ARHGAP8: variants seen among roughly 807,000 people sequenced by gnomAD.
The protein encoded by ARHGAP8 is rho GTPase-activating protein 8.
In ARHGAP8, 62 loss-of-function variants were observed where a neutral mutation model predicts 46.1. The observed-to-expected ratio is 1.34, with a 90% confidence interval of 1.10 to 1.66. The LOEUF (loss-of-function observed/expected upper bound fraction) is 1.66, where lower values mean the gene tolerates loss of function less well. Among genes scored for constraint, ARHGAP8 ranks in the 40% most tolerant of loss-of-function variants. The probability of loss-of-function intolerance (pLI) is 0.00; values close to 1 mark genes in which losing one functional copy is unlikely to be tolerated. For synonymous variants in ARHGAP8, 375 were observed against 243.1 expected, an observed-to-expected ratio of 1.54 and a Z score of -5.05; for missense variants, 923 against 568.4, an observed-to-expected ratio of 1.62 and a Z score of -6.34.
chr22:44,800,605 C>T (rs1928437159), intron 2 of ARHGAP8, among the ~76,000 whole-genome samples: 2 of 86,878 alleles, frequency 2.3e-5, no homozygotes, highest in Admixed American at 1.0e-4. Context: ...CGCCCCTCCC[C>T]GCAGCTGTCC....
chr22:44,810,519 C>T (rs919262127), intron 4 of ARHGAP8, among the ~76,000 whole-genome samples: 5 of 152,304 alleles, frequency 3.3e-5, no homozygotes, highest in East Asian at 1.9e-4. Context: ...GGATTACAGG[C>T]GTGAGCCACT....
intron 8 of ARHGAP8, among the ~76,000 whole-genome samples, chr22:44,845,791 C>T (rs79957516): frequency 2.0e-5 from 3 of 152,094 alleles, no homozygotes; most frequent in African/African-American, 4.8e-5. Context: ...GTGGGGTGAG[C>T]CTTGTGGGCT....
At chr22:44,858,147 T>C (rs2070289688) in intron 10 of ARHGAP8, among the ~76,000 whole-genome samples, 1 of 152,190 alleles carries the variant, frequency 6.6e-6, no homozygotes, top group African/African-American at 2.4e-5. Flanking sequence ...CCAACAGGAA[T>C]GATCATAGTG....
intron 2 of ARHGAP8, among the ~76,000 whole-genome samples, chr22:44,795,775 C>T (rs1440927117): frequency 6.6e-6 from 1 of 152,178 alleles, no homozygotes; most frequent in Non-Finnish European, 1.5e-5. Flanking sequence ...GAGCCATGTT[C>T]TCCCACCAGG....
chr22:44,806,458 G>A (rs1928927475), intron 3 of ARHGAP8, among the ~76,000 whole-genome samples: 1 of 152,222 alleles, frequency 6.6e-6, no homozygotes, highest in African/African-American at 2.4e-5. Flanking sequence ...CGCTGAGTGT[G>A]TGGAAGCTGG....
intron 7 of ARHGAP8, among the ~76,000 whole-genome samples, chr22:44,841,395 C>T (rs1030861377): frequency 2.0e-5 from 3 of 152,184 alleles, no homozygotes; most frequent in East Asian, 1.9e-4. Flanking sequence ...GTATCCCGCC[C>T]ATGTGACAGG....
intron 11 of ARHGAP8, among the ~76,000 whole-genome samples, chr22:44,860,131 C>T (rs1181007214): frequency 2.0e-5 from 3 of 152,114 alleles, no homozygotes; most frequent in East Asian, 1.9e-4. Context: ...CATGTCATTT[C>T]CTGCTTGGGC....
rs145497248 is a variant in ARHGAP8 at position 44,859,804 on chromosome 22, C to T, written c.951C>T (p.Val317=). ...LRSLPEHNYV[V]LRYLMGFLHA... The stretch of plus-strand genomic sequence containing the variant: ...GCCTCCCAGAGCACAACTACGTCGT[C>T]CTCCGCTACCTCATGGGCTTCCTGC... The change falls in exon 11 of 12, where the codon GTC becomes GTT. Residue 317 remains valine (V), a synonymous_variant. Transcript: ENST00000356099. 3.1e-6 allele frequency: 5 copies of T among 1,613,960 alleles called. No individual in the cohort carries two copies. The highest frequency in any genetic ancestry group is 2.2e-5 in the East Asian group (1 of 44,900).
intron 2 of ARHGAP8, among the ~76,000 whole-genome samples, chr22:44,786,834 G>T (rs982154774): frequency 6.6e-6 from 1 of 152,052 alleles, no homozygotes; most frequent in African/African-American, 2.4e-5. Flanking sequence ...GGGCAATGTA[G>T]TGAGACCCCA....
Position 44,761,297 on chromosome 22 carries a change from C to T in ARHGAP8, c.-72+8670C>T, listed in dbSNP as rs562120026. ...CCGTGGACTCTGTATCCATGGGCTCCATATTATGGGTTCCTCATCTGTGGA... is the reference window on the plus strand; with the variant it reads ...CCGTGGACTCTGTATCCATGGGCTCTATATTATGGGTTCCTCATCTGTGGA... On this transcript the variant is annotated intron_variant, in intron 1 of 11. Transcript: ENST00000356099. Among the ~76,000 whole-genome samples the T allele has an allele frequency of 3.2e-4, 49 of 152,306 alleles. No homozygotes were observed. The South Asian group carries it at 3.9e-3, about 12-fold the overall frequency.
chr22:44,813,214 GAGTT>G (rs894989574), intron 4 of ARHGAP8, among the ~76,000 whole-genome samples: 5 of 151,820 alleles, frequency 3.3e-5, no homozygotes, highest in Admixed American at 2.6e-4. Context: ...TCAGTGGACA[GAGTT>G]AGGGTATGTG....
At chr22:44,859,527 C>T (rs1302345536) in intron 10 of ARHGAP8, 8 of 595,912 alleles carry the variant, frequency 1.3e-5, no homozygotes, top group South Asian at 4.0e-5. Context: ...TTATAAATAA[C>T]CCCATCTCAG....
intron 2 of ARHGAP8, chr22:44,801,840 ATC>A: frequency 1.8e-6 from 1 of 554,896 alleles, no homozygotes; most frequent in East Asian, 3.0e-5. Flanking sequence ...TCGGTTTTCT[ATC>A]TGTAAAGTGG....
Position 44,862,385 on chromosome 22 carries a change from G to GC in ARHGAP8, c.1096dup (p.Leu366ProfsTer6). On this transcript the variant is annotated frameshift_variant, in exon 12 of 12. Coordinates refer to ENST00000356099, the MANE Select transcript of ARHGAP8 (RefSeq NM_181335.3). LOFTEE classifies it low-confidence loss of function (END_TRUNC). ...GGGTCTCCTCCCTGAGTGCCCTTGT[G>GC]CCCCTGAACATGTTCACTGAACTGC... The GC allele has an allele frequency of 1.2e-6, 2 of 1,614,116 alleles. No homozygotes were observed. The highest frequency in any genetic ancestry group is 1.7e-6 in the Non-Finnish European group (2 of 1,180,002).
At chr22:44,773,996 C>G (rs1487976272) in intron 1 of ARHGAP8, among the ~76,000 whole-genome samples, 2 of 152,234 alleles carry the variant, frequency 1.3e-5, no homozygotes, top group African/African-American at 2.4e-5. Context: ...CATTATCTCG[C>G]TAAATCCTTA....
At chr22:44,778,562 C>G (rs569479030) in intron 1 of ARHGAP8, among the ~76,000 whole-genome samples, 1 of 152,298 alleles carries the variant, frequency 6.6e-6, no homozygotes, top group African/African-American at 2.4e-5. Flanking sequence ...ATTGCTGGAT[C>G]AAATGGTAGT....
At position 44,841,427 on chromosome 22, in the gene ARHGAP8, G is replaced by T. The variant is rs184137051; in HGVS notation, c.597-3842G>T. Among the ~76,000 whole-genome samples, 6 of 152,258 alleles carry T rather than the reference G, an allele frequency of 3.9e-5. No individual in the cohort carries two copies. In the East Asian group the frequency reaches 1.2e-3, roughly 29 times the overall value. On this transcript the variant is annotated intron_variant, in intron 7 of 11. Transcript: ENST00000356099. ...CAGGAGAGGAAGTAGAAGCAGAGGTGTCGAGTAGCTCTCACGCCTGCTCCC... is the reference window on the plus strand; with the variant it reads ...CAGGAGAGGAAGTAGAAGCAGAGGTTTCGAGTAGCTCTCACGCCTGCTCCC...
At chr22:44,861,996 G>C (rs1012744609) in intron 11 of ARHGAP8, among the ~76,000 whole-genome samples, 1 of 152,208 alleles carries the variant, frequency 6.6e-6, no homozygotes, top group Non-Finnish European at 1.5e-5. Flanking sequence ...TCCCCAGAAG[G>C]TGCAGTGGAA....
chr22:44,769,350 G>C (rs1925834298), intron 1 of ARHGAP8, among the ~76,000 whole-genome samples: 1 of 152,150 alleles, frequency 6.6e-6, no homozygotes, highest in Non-Finnish European at 1.5e-5. Flanking sequence ...ACCTCATGCT[G>C]TCCTGATTAG....
Sources: gnomAD v4.1 joint callset for allele counts (sites outside exome capture counted in the v4.1 genomes callset) on GRCh38, gnomAD v4.1.1 for gene constraint, MANE v1.5 for transcripts, NCBI Gene and HGNC (gene_info 2026-07-23, HGNC 2026-07-21) for gene names.